SNTG2: variants seen among roughly 807,000 people sequenced by gnomAD.
SNTG2 encodes the protein gamma-2-syntrophin.
Under a neutral mutation model 70.9 loss-of-function variants are expected in SNTG2, and 74 were observed. That is an observed-to-expected ratio of 1.04 (90% CI 0.86 to 1.27). SNTG2 has a LOEUF of 1.27. Among genes scored for constraint, SNTG2 ranks in the 50% most tolerant of loss-of-function variants. The pLI, the probability that SNTG2 is intolerant of heterozygous loss-of-function variation, is 0.00. For missense variants in SNTG2, 717 were observed against 690.7 expected (o/e 1.04, Z -0.43); for synonymous variants, 278 against 273.8 (o/e 1.02, Z -0.15).
intron 1 of SNTG2, among the ~76,000 whole-genome samples, chr2:1,078,535 G>T (rs568030538): frequency 6.6e-6 from 1 of 152,030 alleles, no homozygotes; most frequent in Non-Finnish European, 1.5e-5. Flanking sequence ...GCACGGCGGC[G>T]CTGCAGGACA....
intron 13 of SNTG2, among the ~76,000 whole-genome samples, chr2:1,261,075 G>T (rs1231944995): frequency 3.0e-5 from 1 of 32,834 alleles, no homozygotes; most frequent in African/African-American, 1.3e-4. Flanking sequence ...CTATGGCAAA[G>T]GTATTAAACT....
intron 1 of SNTG2, among the ~76,000 whole-genome samples, chr2:989,873 T>C (rs1264808270): frequency 6.6e-6 from 1 of 152,262 alleles, no homozygotes; most frequent in East Asian, 1.9e-4. Flanking sequence ...TGTTGGACTC[T>C]GTCAACGCGC....
At chr2:1,356,059 G>A (rs889502691) in intron 16 of SNTG2, among the ~76,000 whole-genome samples, 1 of 152,158 alleles carries the variant, frequency 6.6e-6, no homozygotes. Flanking sequence ...CTATTGAGTT[G>A]TAGGAGTTAT....
At chr2:979,292 T>A (rs1661021923) in intron 1 of SNTG2, among the ~76,000 whole-genome samples, 1 of 152,180 alleles carries the variant, frequency 6.6e-6, no homozygotes, top group Admixed American at 6.5e-5. Context: ...TTTGCAGCAT[T>A]CCCCAGTATT....
intron 14 of SNTG2, among the ~76,000 whole-genome samples, chr2:1,302,675 T>G (rs907373996): frequency 1.3e-5 from 2 of 151,746 alleles, no homozygotes; most frequent in Non-Finnish European, 2.9e-5. Flanking sequence ...GTGAAAGTGG[T>G]GTAAATGCAC....
intron 16 of SNTG2, among the ~76,000 whole-genome samples, chr2:1,326,655 T>C (rs1449305046): frequency 6.6e-6 from 1 of 152,140 alleles, no homozygotes; most frequent in Non-Finnish European, 1.5e-5. Flanking sequence ...TCTTTTACTA[T>C]CTCCTATTAA....
At chr2:1,071,203 T>C (rs1663516861) in intron 1 of SNTG2, among the ~76,000 whole-genome samples, 1 of 151,718 alleles carries the variant, frequency 6.6e-6, no homozygotes, top group South Asian at 2.1e-4. Context: ...CATGCACACG[T>C]ATGTTTATTG....
chr2:1,232,498 A>G (rs1338181126), intron 9 of SNTG2, among the ~76,000 whole-genome samples: 2 of 152,014 alleles, frequency 1.3e-5, no homozygotes, highest in African/African-American at 4.8e-5. Flanking sequence ...GGGTTTCACC[A>G]TGTTGGTCAG....
intron 1 of SNTG2, among the ~76,000 whole-genome samples, chr2:971,000 C>T (rs1660721399): frequency 6.6e-6 from 1 of 152,186 alleles, no homozygotes; most frequent in South Asian, 2.1e-4. Flanking sequence ...CAGGAAACAA[C>T]AGGTGCTGGA....
rs1357819833 is a variant in SNTG2, at chr2:1,097,278, T to TC, written c.211-912dup. On this transcript the variant is annotated intron_variant, in intron 2 of 16. Coordinates refer to ENST00000308624, the MANE Select transcript of SNTG2 (RefSeq NM_018968.4). The surrounding 1 kb of genome is among the most constrained non-coding windows in gnomAD (Gnocchi z 4.1). ...GCTGGCCGGGGCGGGAGCTCCCAGG[T>TC]CCCCCCTTCGGCGTGGGCTCTGCCA... is the stretch of plus-strand genomic sequence containing the variant. Among the ~76,000 whole-genome samples, 1 of 152,150 alleles carries TC rather than the reference T, an allele frequency of 6.6e-6. No individual in the cohort carries two copies. Among genetic ancestry groups the TC allele is most frequent in the African/African-American group, 2.4e-5 (1 of 41,444 alleles).
At chr2:1,340,879 C>T (rs1421108790) in intron 16 of SNTG2, among the ~76,000 whole-genome samples, 1 of 152,124 alleles carries the variant, frequency 6.6e-6, no homozygotes, top group East Asian at 1.9e-4. Context: ...AAAATATCCC[C>T]ATTTTACAGG....
At chr2:1,199,675 GCA>G (rs1673158478) in intron 8 of SNTG2, among the ~76,000 whole-genome samples, 4 of 151,984 alleles carry the variant, frequency 2.6e-5, no homozygotes, top group Non-Finnish European at 5.9e-5. Context: ...CAGGAAAGTT[GCA>G]GGATAAAGAA....
At chr2:965,215 C>T (rs1399748485) in intron 1 of SNTG2, among the ~76,000 whole-genome samples, 2 of 126,712 alleles carry the variant, frequency 1.6e-5, no homozygotes, top group Non-Finnish European at 3.5e-5. Flanking sequence ...GGTCCCCAAT[C>T]CTCCTCCTGG....
chr2:1,110,064 G>A (rs781752885), intron 4 of SNTG2, among the ~76,000 whole-genome samples: 35 of 152,138 alleles, frequency 2.3e-4, no homozygotes, highest in Non-Finnish European at 4.3e-4. Flanking sequence ...GACACAGAAC[G>A]ACGATTTCTA....
At chr2:986,337 CT>C (rs1661323758) in intron 1 of SNTG2, among the ~76,000 whole-genome samples, 1 of 152,146 alleles carries the variant, frequency 6.6e-6, no homozygotes, top group Non-Finnish European at 1.5e-5. Flanking sequence ...TAACTTTACC[CT>C]TTAGAGAAGA....
chr2:1,262,674 A>G (rs1678484794), intron 13 of SNTG2, among the ~76,000 whole-genome samples: 1 of 142,010 alleles, frequency 7.0e-6, no homozygotes, highest in Admixed American at 7.0e-5. Flanking sequence ...CTCAGTCCAG[A>G]CGAGGCAACC....
chr2:1,112,521 C>T (rs1423689593), intron 4 of SNTG2, among the ~76,000 whole-genome samples: 1 of 151,274 alleles, frequency 6.6e-6, no homozygotes, highest in African/African-American at 2.4e-5. Context: ...GAGGTGTAAC[C>T]CTTACAGTCC....
intron 14 of SNTG2, among the ~76,000 whole-genome samples, chr2:1,283,280 T>G (rs1679632011): frequency 1.3e-5 from 2 of 152,142 alleles, no homozygotes; most frequent in Admixed American, 1.3e-4. Context: ...GCCTGACCCC[T>G]GCTGGGCCCG....
At chr2:1,099,662 G>GT (rs1665649526) in intron 4 of SNTG2, among the ~76,000 whole-genome samples, 1 of 152,162 alleles carries the variant, frequency 6.6e-6, no homozygotes, top group Non-Finnish European at 1.5e-5. Flanking sequence ...TCATCTGAAG[G>GT]TGGGTGTGGT....
Sources: gnomAD v4.1 joint callset for allele counts (sites outside exome capture counted in the v4.1 genomes callset) on GRCh38, gnomAD v4.1.1 for gene constraint, Gnocchi (gnomAD v3.1) non-coding constraint, MANE v1.5 for transcripts, NCBI Gene and HGNC (gene_info 2026-07-23, HGNC 2026-07-21) for gene names.